Variants in FOXJ3 observed in about 807,000 individuals in gnomAD.
FOXJ3 encodes forkhead box J3, also known as forkhead box protein J3.
Under a neutral mutation model 76.1 loss-of-function variants are expected in FOXJ3, and 22 were observed. The observed-to-expected ratio is 0.29, with a 90% CI of 0.21 to 0.41. The LOEUF is 0.41. Ranked by LOEUF, FOXJ3 falls within the 10% of genes least tolerant of loss-of-function variation. FOXJ3 has a pLI of 1.00. For missense variants in FOXJ3, 613 were observed against 762.1 expected, an observed-to-expected ratio of 0.80 and a Z score of 2.30; for synonymous variants, 269 against 261.2, an observed-to-expected ratio of 1.03 and a Z score of -0.29.
At chr1:42,296,519 T>C (rs1481073089) in intron 2 of FOXJ3, among the ~76,000 whole-genome samples, 1 of 152,234 alleles carries the variant, frequency 6.6e-6, no homozygotes, top group Non-Finnish European at 1.5e-5. Flanking sequence ...CTTTTGCATA[T>C]GGCTAGCCAA....
Position 42,332,342 on chromosome 1 carries a change from T to C in FOXJ3, c.-18+2717A>G, listed in dbSNP as rs565072341. Among the ~76,000 whole-genome samples the C allele has an allele frequency of 3.0e-4, 46 of 152,332 alleles. No individual in the cohort carries two copies. The South Asian group carries it at 9.3e-3, about 31-fold the overall frequency. On this transcript the variant is annotated intron_variant, in intron 1 of 12. Coordinates refer to ENST00000361346, the MANE Select transcript of FOXJ3 (RefSeq NM_014947.5). ...ACCGTTCATTGTATATGGGAATAATTACATGCATAAGGTTAAGCAACTTGC... is the reference window on the plus strand; with the variant it reads ...ACCGTTCATTGTATATGGGAATAATCACATGCATAAGGTTAAGCAACTTGC...
At chr1:42,187,974 G>C (rs570473680) in intron 11 of FOXJ3, among the ~76,000 whole-genome samples, 1 of 152,170 alleles carries the variant, frequency 6.6e-6, no homozygotes, top group Non-Finnish European at 1.5e-5. Flanking sequence ...AGCTTGACTT[G>C]AATAAACTCA....
intron 4 of FOXJ3, among the ~76,000 whole-genome samples, chr1:42,245,327 C>A (rs1240830742): frequency 1.3e-5 from 2 of 152,148 alleles, no homozygotes; most frequent in Non-Finnish European, 2.9e-5. Flanking sequence ...TTCTATGAGG[C>A]CTGCATTACC....
intron 2 of FOXJ3, among the ~76,000 whole-genome samples, chr1:42,289,222 T>A (rs58981635): frequency 6.6e-6 from 1 of 151,534 alleles, no homozygotes; most frequent in South Asian, 2.1e-4. Flanking sequence ...TGTTTCTTAA[T>A]ATATATAATT....
chr1:42,231,216 C>T (rs1256417519), intron 4 of FOXJ3, among the ~76,000 whole-genome samples: 1 of 151,818 alleles, frequency 6.6e-6, no homozygotes, highest in African/African-American at 2.4e-5. Context: ...GTCCCAGCTA[C>T]TCGGGAGGCT....
At chr1:42,302,879 A>C (rs1350721418) in intron 2 of FOXJ3, among the ~76,000 whole-genome samples, 2 of 151,832 alleles carry the variant, frequency 1.3e-5, no homozygotes, top group Non-Finnish European at 2.9e-5. Context: ...ATAAAAACTC[A>C]AAATTTCTCC....
intron 2 of FOXJ3, among the ~76,000 whole-genome samples, chr1:42,301,074 G>T (rs750075633): frequency 2.0e-5 from 3 of 152,146 alleles, no homozygotes; most frequent in African/African-American, 4.8e-5. Context: ...CCAGACTAGG[G>T]AAGTTTTCCC....
intron 4 of FOXJ3, among the ~76,000 whole-genome samples, chr1:42,264,083 G>C (rs144434570): frequency 6.6e-6 from 1 of 151,726 alleles, no homozygotes; most frequent in Admixed American, 6.6e-5. Flanking sequence ...ACTCAAAAGA[G>C]GGAGCAACAA....
intron 4 of FOXJ3, among the ~76,000 whole-genome samples, chr1:42,231,502 G>C (rs1335854890): frequency 6.6e-6 from 1 of 152,184 alleles, no homozygotes; most frequent in Non-Finnish European, 1.5e-5. Flanking sequence ...ATTGTTTAAT[G>C]AGTGAAGAAT....
chr1:42,285,747 G>A (rs1653014184), intron 2 of FOXJ3, among the ~76,000 whole-genome samples: 1 of 152,098 alleles, frequency 6.6e-6, no homozygotes, highest in Non-Finnish European at 1.5e-5. Flanking sequence ...ACTCTGCCAG[G>A]GAGTCTCTGC....
chr1:42,198,620 G>T (rs1363564450), intron 7 of FOXJ3, among the ~76,000 whole-genome samples: 1 of 152,176 alleles, frequency 6.6e-6, no homozygotes, highest in African/African-American at 2.4e-5. Flanking sequence ...TCCCTTTATA[G>T]CATGGCTTTT....
intron 2 of FOXJ3, 28 bp from the exon 3 acceptor site, chr1:42,278,700 T>C (rs1276194046): frequency 2.7e-6 from 4 of 1,497,270 alleles, no homozygotes; most frequent in Admixed American, 1.9e-5. Flanking sequence ...CCTTAGTCAA[T>C]ATCAAGGAAA....
intron 11 of FOXJ3, among the ~76,000 whole-genome samples, chr1:42,184,118 G>A (rs990173580): frequency 3.9e-5 from 6 of 152,072 alleles, no homozygotes; most frequent in African/African-American, 1.2e-4. Flanking sequence ...TCACATGCAC[G>A]CCTAGTGTAC....
chr1:42,212,965 AAAAAAAC>A (rs1407534894), intron 5 of FOXJ3, among the ~76,000 whole-genome samples: 71 of 149,380 alleles, frequency 4.8e-4, no homozygotes, highest in African/African-American at 1.4e-3. Context: ...AGCAAAAAAA[AAAAAAAC>A]AAAAAAAAAA....
chr1:42,313,245 G>A (rs1275661558), intron 1 of FOXJ3, among the ~76,000 whole-genome samples: 9 of 151,786 alleles, frequency 5.9e-5, no homozygotes, highest in African/African-American at 1.7e-4. Flanking sequence ...GCTGAGACAG[G>A]AGAATCGCTT....
chr1:42,270,792 C>T (rs1462931912), intron 3 of FOXJ3, among the ~76,000 whole-genome samples: 5 of 152,150 alleles, frequency 3.3e-5, no homozygotes, highest in Admixed American at 2.0e-4. Flanking sequence ...CTATCCAAGG[C>T]ACCTAATTTA....
chr1:42,214,895 T>C (rs1429879613), intron 5 of FOXJ3, among the ~76,000 whole-genome samples: 2 of 152,220 alleles, frequency 1.3e-5, no homozygotes, highest in East Asian at 3.8e-4. Context: ...GAACCATGCA[T>C]ATACAGATCT....
chr1:42,201,944 T>C (rs915251187), intron 6 of FOXJ3, among the ~76,000 whole-genome samples: 2 of 152,160 alleles, frequency 1.3e-5, no homozygotes, highest in Admixed American at 1.3e-4. Context: ...TGATAAGTCA[T>C]TTTTTATGAT....
chr1:42,185,582 G>C (rs181357128), intron 11 of FOXJ3, among the ~76,000 whole-genome samples: 1 of 152,002 alleles, frequency 6.6e-6, no homozygotes, highest in East Asian at 1.9e-4. Flanking sequence ...AACTCTTTTA[G>C]GTAAAAGCTA....
Sources: gnomAD v4.1 joint callset for allele counts (sites outside exome capture counted in the v4.1 genomes callset) on GRCh38, gnomAD v4.1.1 for gene constraint, MANE v1.5 for transcripts, NCBI Gene and HGNC (gene_info 2026-07-23, HGNC 2026-07-21) for gene names.